Variants in MYO3A observed in about 807,000 individuals in gnomAD.
The protein encoded by MYO3A is myosin-IIIa.
Under a neutral mutation model 192.7 loss-of-function variants are expected in MYO3A, and 180 were observed. The ratio of observed to expected loss-of-function variants is 0.93; its 90% confidence interval spans 0.83 to 1.06. The LOEUF (loss-of-function observed/expected upper bound fraction) is 1.06, where lower values mean the gene tolerates loss of function less well. Ranked by LOEUF, MYO3A falls within the 50% of genes least tolerant of loss-of-function variation. The probability of loss-of-function intolerance (pLI) is 0.00; values close to 1 mark genes in which losing one functional copy is unlikely to be tolerated. For missense variants in MYO3A, 1,896 were observed against 1,905.0 expected (o/e 1.00, Z 0.09); for synonymous variants, 628 against 645.3 (o/e 0.97, Z 0.41).
At chr10:26,025,753 C>G (rs987449506) in intron 9 of MYO3A, among the ~76,000 whole-genome samples, 1 of 152,184 alleles carries the variant, frequency 6.6e-6, no homozygotes, top group African/African-American at 2.4e-5. Flanking sequence ...TTCAGGTGCT[C>G]TCACTAGTCC....
At chr10:25,992,343 T>C (rs2130868419) in intron 4 of MYO3A, among the ~76,000 whole-genome samples, 1 of 152,370 alleles carries the variant, frequency 6.6e-6, no homozygotes, top group South Asian at 2.1e-4. Context: ...ATGCTTGTGA[T>C]TTTTGCACAC....
At chr10:25,995,529 T>C (rs1840371465) in intron 4 of MYO3A, among the ~76,000 whole-genome samples, 1 of 152,246 alleles carries the variant, frequency 6.6e-6, no homozygotes, top group African/African-American at 2.4e-5. Context: ...CATCCAGCTT[T>C]GTTCCATTGC....
At chr10:25,934,922 G>A (rs138182669) in intron 1 of MYO3A, among the ~76,000 whole-genome samples, 2,166 of 152,136 alleles carry the variant, frequency 0.014, 65 homozygotes, top group African/African-American at 0.049. Flanking sequence ...GTAAGGGGAG[G>A]ACCTCGAAGA....
rs35447806 is a variant in MYO3A, at chr10:26,168,733, G to T, written c.3133G>T (p.Val1045Leu). ...TCAGGTGTTCCTTAAGTATTATCACGTGGAGCAGTTAAATCTAATGCGAAA... is the reference window on the plus strand; with the variant it reads ...TCAGGTGTTCCTTAAGTATTATCACTTGGAGCAGTTAAATCTAATGCGAAA... ...KTKVFLKYYH[V>L]EQLNLMRKEA... The change falls in exon 28 of 35, where the codon GTG becomes TTG. Residue 1045 changes from valine (V) to leucine (L), a missense_variant. By Grantham distance (32) the Val-to-Leu change is conservative (BLOSUM62 1). Coordinates refer to ENST00000642920, the MANE Select transcript of MYO3A (RefSeq NM_017433.5). The T allele has an allele frequency of 6.2e-7, 1 of 1,612,892 alleles. No homozygotes were observed. Among genetic ancestry groups the T allele is most frequent in the Non-Finnish European group, 8.5e-7 (1 of 1,179,564 alleles).
chr10:25,971,962 C>G (rs1838674867), intron 4 of MYO3A, among the ~76,000 whole-genome samples: 1 of 152,176 alleles, frequency 6.6e-6, no homozygotes, highest in Non-Finnish European at 1.5e-5. Context: ...CCTGCCTCAG[C>G]CTCCCAAGTA....
At chr10:26,101,592 G>C (rs1837456711) in intron 17 of MYO3A, among the ~76,000 whole-genome samples, 1 of 152,146 alleles carries the variant, frequency 6.6e-6, no homozygotes, top group Admixed American at 6.5e-5. Flanking sequence ...GGCAGGCCTG[G>C]TGGTGACAAA....
At chr10:26,169,397 T>A (rs187119918) in intron 28 of MYO3A, among the ~76,000 whole-genome samples, 177 of 152,334 alleles carry the variant, frequency 1.2e-3, no homozygotes, top group African/African-American at 3.2e-3. Context: ...GAAATGAAAT[T>A]TAGATAGAGC....
intron 10 of MYO3A, among the ~76,000 whole-genome samples, chr10:26,057,905 G>A (rs978741299): frequency 6.6e-6 from 1 of 152,132 alleles, no homozygotes; most frequent in East Asian, 1.9e-4. Context: ...CCTTCCCCCA[G>A]GTAGGCACAG....
chr10:25,952,975 T>C (rs1205683261), intron 3 of MYO3A, among the ~76,000 whole-genome samples: 1 of 151,770 alleles, frequency 6.6e-6, no homozygotes, highest in Admixed American at 6.6e-5. Flanking sequence ...TATCTTCTGG[T>C]AATGAGAGCT....
chr10:26,077,422 A>T lies in MYO3A; in HGVS notation c.1359+7021A>T, dbSNP rs147771953. On this transcript the variant is annotated intron_variant, in intron 14 of 34. Transcript: ENST00000642920. ...GAGGAGTCCTTAGGGTTTTCAAGGTAAATTATCATATCATCAGCAAATAGT... is the reference window on the plus strand; with the variant it reads ...GAGGAGTCCTTAGGGTTTTCAAGGTTAATTATCATATCATCAGCAAATAGT... 2.0e-3 allele frequency among the ~76,000 whole-genome samples: 311 copies of T among 151,744 alleles called. 2 individuals are homozygous for T. Among genetic ancestry groups the T allele is most frequent in the African/African-American group, 7.3e-3 (302 of 41,402 alleles).
intron 2 of MYO3A, among the ~76,000 whole-genome samples, chr10:25,943,125 G>A (rs1836608662): frequency 6.6e-6 from 1 of 151,798 alleles, no homozygotes; most frequent in Admixed American, 6.6e-5. Flanking sequence ...TTTTATATAT[G>A]ATCTAACAGT....
chr10:26,051,125 G>C (rs185398888), intron 10 of MYO3A, among the ~76,000 whole-genome samples: 54 of 152,254 alleles, frequency 3.5e-4, no homozygotes, highest in Non-Finnish European at 2.9e-5. Flanking sequence ...CCAATTTCTT[G>C]CATATATTTC....
Position 26,096,499 on chromosome 10 carries a change from T to G in MYO3A, c.1661+20T>G, listed in dbSNP as rs191059473. ...TCCCAGGTAATCTACCAGGTTGAGC[T>G]TTCATCAATAATACTTTCACTTTTC... On this transcript the variant is annotated intron_variant, in intron 16 of 34. Coordinates refer to ENST00000642920, the MANE Select transcript of MYO3A (RefSeq NM_017433.5). The G allele has an allele frequency of 6.8e-6, 11 of 1,606,042 alleles. No individual in the cohort carries two copies. In the East Asian group the frequency reaches 2.5e-4, roughly 36 times the overall value.
chr10:26,053,524 A>G (rs1248247395), intron 10 of MYO3A, among the ~76,000 whole-genome samples: 2 of 152,186 alleles, frequency 1.3e-5, no homozygotes, highest in Non-Finnish European at 2.9e-5. Flanking sequence ...ATGGTGATGC[A>G]TGCTAAAGAA....
Position 26,085,306 on chromosome 10 carries a change from C to A in MYO3A, c.1360-2897C>A, listed in dbSNP as rs114432982. ...TTTCTTCTGCTAATTTTGGCTTTAG[C>A]TTTTTCTTTATTTTTTAGTTCCTTG... On this transcript the variant is annotated intron_variant, in intron 14 of 34. Coordinates refer to ENST00000642920, the MANE Select transcript of MYO3A (RefSeq NM_017433.5). 8.3e-3 allele frequency among the ~76,000 whole-genome samples: 1,260 copies of A among 151,466 alleles called. 14 individuals are homozygous for A. The highest frequency in any genetic ancestry group is 0.028 in the African/African-American group (1,141 of 41,306).
chr10:26,064,161 A>T (rs1397410055), intron 10 of MYO3A, among the ~76,000 whole-genome samples: 1 of 152,218 alleles, frequency 6.6e-6, no homozygotes, highest in African/African-American at 2.4e-5. Flanking sequence ...GTGATGAGAG[A>T]TTCTGGAGAG....
chr10:26,106,452 G>A (rs900134463), intron 17 of MYO3A, among the ~76,000 whole-genome samples: 1 of 151,888 alleles, frequency 6.6e-6, no homozygotes, highest in Admixed American at 6.6e-5. Flanking sequence ...CATGTCATTA[G>A]CAAAAAGAAG....
At chr10:26,007,211 A>G (rs1588759714) in intron 6 of MYO3A, among the ~76,000 whole-genome samples, 1 of 149,740 alleles carries the variant, frequency 6.7e-6, no homozygotes. Flanking sequence ...TCAATAAATT[A>G]GGGATTGATT....
At chr10:26,198,751 C>CAGAGAA (rs1843536933) in intron 32 of MYO3A, among the ~76,000 whole-genome samples, 1 of 152,136 alleles carries the variant, frequency 6.6e-6, no homozygotes, top group Non-Finnish European at 1.5e-5. Context: ...AGCTAAGACA[C>CAGAGAA]TATTCTTTAA....
Sources: gnomAD v4.1 joint callset for allele counts (sites outside exome capture counted in the v4.1 genomes callset) on GRCh38, gnomAD v4.1.1 for gene constraint, MANE v1.5 for transcripts, NCBI Gene and HGNC (gene_info 2026-07-23, HGNC 2026-07-21) for gene names.